PLA2R1: variants seen among roughly 807,000 people sequenced by gnomAD.
PLA2R1 encodes secretory phospholipase A2 receptor.
A neutral mutation model predicts 195.9 loss-of-function variants in PLA2R1; 158 were observed. The observed-to-expected ratio is 0.81, with a 90% CI of 0.71 to 0.92. The LOEUF (loss-of-function observed/expected upper bound fraction) is 0.92, where lower values mean the gene tolerates loss of function less well. Ranked by LOEUF, PLA2R1 falls within the 40% of genes least tolerant of loss-of-function variation. The pLI is 0.00. For missense variants in PLA2R1, 1,626 were observed against 1,764.6 expected, an observed-to-expected ratio of 0.92 and a Z score of 1.41; for synonymous variants, 586 against 598.2, an observed-to-expected ratio of 0.98 and a Z score of 0.30.
chr2:159,956,746 G>T (rs867879804), intron 20 of PLA2R1, 119 bp from the exon 21 acceptor site: 1 of 651,382 alleles, frequency 1.5e-6, no homozygotes, highest in Non-Finnish European at 2.7e-6. Context: ...TGGGCAGAAA[G>T]AACTCATTTT....
At chr2:159,968,875 C>A (rs1015738539) in intron 19 of PLA2R1, among the ~76,000 whole-genome samples, 3 of 152,168 alleles carry the variant, frequency 2.0e-5, no homozygotes, top group African/African-American at 7.2e-5. Flanking sequence ...AAGTAAATTT[C>A]ACAGAGGTTA....
chr2:159,961,673 T>C (rs1288426609), intron 20 of PLA2R1, among the ~76,000 whole-genome samples: 1 of 152,152 alleles, frequency 6.6e-6, no homozygotes. Context: ...ATTCCTTTCA[T>C]GGGAAGCATT....
chr2:160,045,295 G>A lies in PLA2R1; in HGVS notation c.110-138C>T, dbSNP rs1409353467. The A allele has an allele frequency of 1.5e-5, 10 of 663,922 alleles. No individual in the cohort carries two copies. The Admixed American group carries it at 2.6e-4, about 17-fold the overall frequency. The allele number at this position is 663,922 out of a possible 1,614,324, so 41.1% of individuals were successfully genotyped here. A position where few individuals can be genotyped will look rare whatever the true frequency, so the allele number is the denominator to read the frequency against. On this transcript the variant is annotated intron_variant, in intron 1 of 29. Coordinates refer to ENST00000283243, the MANE Select transcript of PLA2R1 (RefSeq NM_007366.5). ...CCACAGATCTGGAGTTGTTGGGCAG[G>A]GTCCACCTGAAGGGCTGTATTTGCA...
chr2:160,004,441 G>A (rs993631494), intron 11 of PLA2R1, among the ~76,000 whole-genome samples: 1 of 152,154 alleles, frequency 6.6e-6, no homozygotes, highest in African/African-American at 2.4e-5. Flanking sequence ...GGCTTGTGTG[G>A]CCACTTTTAT....
At chr2:160,042,363 T>C (rs747359864) in intron 2 of PLA2R1, among the ~76,000 whole-genome samples, 165 bp from the exon 3 acceptor site, 20 of 152,194 alleles carry the variant, frequency 1.3e-4, no homozygotes, top group Non-Finnish European at 2.2e-4. Flanking sequence ...TCAGTAGAGG[T>C]GTGAGACTGA....
the PLA2R1 span, among the ~76,000 whole-genome samples, chr2:159,926,324 A>G: frequency 0.16 from 24,858 of 152,228 alleles, 2,336 homozygotes; most frequent in South Asian, 0.42. Flanking sequence ...TGCTTTTTAT[A>G]GTGTAATTTA....
At chr2:159,957,149 A>G (rs1383606002) in intron 20 of PLA2R1, among the ~76,000 whole-genome samples, 1 of 152,174 alleles carries the variant, frequency 6.6e-6, no homozygotes, top group African/African-American at 2.4e-5. Context: ...TCTATTGGGA[A>G]GAGCCAGAGA....
chr2:160,009,008 C>T (rs1040007942), intron 10 of PLA2R1, among the ~76,000 whole-genome samples: 1 of 152,228 alleles, frequency 6.6e-6, no homozygotes, highest in African/African-American at 2.4e-5. Context: ...AATACCACTG[C>T]ACACCCAATA....
intron 1 of PLA2R1, among the ~76,000 whole-genome samples, chr2:160,054,522 C>A (rs1022855264): frequency 1.3e-5 from 2 of 152,132 alleles, no homozygotes; most frequent in African/African-American, 4.8e-5. Context: ...ATACCAAAAG[C>A]TAGAAGTGGT....
At chr2:159,994,852 C>T (rs547373610) in intron 11 of PLA2R1, among the ~76,000 whole-genome samples, 1 of 151,936 alleles carries the variant, frequency 6.6e-6, no homozygotes, top group South Asian at 2.1e-4. Context: ...AAATGCGTGA[C>T]AGGAATGATA....
At position 159,970,157 on chromosome 2, in the gene PLA2R1, T is replaced by C. The variant is rs139465657; in HGVS notation, c.2651A>G (p.Asp884Gly). 3.8e-5 allele frequency: 61 copies of C among 1,603,598 alleles called. No individual in the cohort carries two copies. In the African/African-American group the frequency reaches 7.9e-4, roughly 21 times the overall value. Residue 884 changes from aspartate (D) to glycine (G), a missense_variant, in exon 18 of 30, where the codon GAT becomes GGT. Asp to Gly is a moderately conservative substitution (Grantham distance 94). Transcript: ENST00000283243. The stretch of plus-strand genomic sequence containing the variant: ...GAATCTAGGTTCATACCGAAATTCA[T>C]CATTGGCTCTTTCTTCTTGAAGTCC... ...WIGLQEERAN[D>G]EFRWRDGTPV...
chr2:159,930,399 C>T (rs1181404686), downstream of PLA2R1, among the ~76,000 whole-genome samples: 2 of 143,948 alleles, frequency 1.4e-5, no homozygotes, highest in Non-Finnish European at 3.0e-5. Context: ...CAGAGCGAGA[C>T]TCCGTCTCAA....
Position 159,965,716 on chromosome 2 carries a change from C to T in PLA2R1, c.2904+1823G>A, listed in dbSNP as rs559913553. 2.0e-5 allele frequency among the ~76,000 whole-genome samples: 3 copies of T among 152,244 alleles called. No individual in the cohort carries two copies. The South Asian group carries it at 6.2e-4, about 32-fold the overall frequency. On this transcript the variant is annotated intron_variant, in intron 20 of 29. Coordinates refer to ENST00000283243, the MANE Select transcript of PLA2R1 (RefSeq NM_007366.5). ...TATGTTTAGTTTTGTAAGAAACTGC[C>T]AAACTGTCTCCCACAGTGGCCGTAC...
chr2:160,047,248 T>G (rs877199), intron 1 of PLA2R1, among the ~76,000 whole-genome samples: 15,861 of 152,224 alleles, frequency 0.1, 1,208 homozygotes, highest in Admixed American at 0.27. Context: ...TGGGAATATG[T>G]ATGGTACTGA....
intron 28 of PLA2R1, among the ~76,000 whole-genome samples, chr2:159,943,015 G>A (rs74590853): frequency 0.025 from 3,739 of 147,990 alleles, 131 homozygotes; most frequent in African/African-American, 0.083. Flanking sequence ...TCTGTTGCCC[G>A]GGCCAGAGTA....
chr2:159,942,587 A>C (rs576048636), intron 28 of PLA2R1, among the ~76,000 whole-genome samples: 1 of 152,306 alleles, frequency 6.6e-6, no homozygotes, highest in African/African-American at 2.4e-5. Flanking sequence ...TCTTATATGG[A>C]GTTTGTCCAG....
At chr2:160,016,794 T>C (rs761659783) in intron 8 of PLA2R1, 82 bp from the exon 9 acceptor site, 10 of 681,088 alleles carry the variant, frequency 1.5e-5, no homozygotes, top group Middle Eastern at 2.7e-4. Flanking sequence ...AAAAAAAATA[T>C]GATGAATAAT....
intron 14 of PLA2R1, among the ~76,000 whole-genome samples, chr2:159,978,649 C>G (rs1411357802): frequency 6.6e-6 from 1 of 152,142 alleles, no homozygotes; most frequent in Non-Finnish European, 1.5e-5. Context: ...TTGAACCACC[C>G]AGCTGTCTCA....
At chr2:159,946,052 C>A in intron 27 of PLA2R1, 1 of 982,042 alleles carries the variant, frequency 1.0e-6, no homozygotes, top group South Asian at 4.7e-5. Context: ...TTCTTTAATA[C>A]CAAGCCAGCC....
Sources: gnomAD v4.1 joint callset for allele counts (sites outside exome capture counted in the v4.1 genomes callset) on GRCh38, gnomAD v4.1.1 for gene constraint, MANE v1.5 for transcripts, NCBI Gene and HGNC (gene_info 2026-07-23, HGNC 2026-07-21) for gene names.